The following PTGIS variants were observed in gnomAD, a reference collection of about 807,000 sequenced individuals.
PTGIS encodes the protein prostaglandin I2 synthase.
PTGIS carries 45 observed loss-of-function variants against 50.3 expected under a neutral mutation model. That is an observed-to-expected ratio of 0.90 (90% CI 0.70 to 1.15). The LOEUF (loss-of-function observed/expected upper bound fraction) is 1.15. Among genes scored for constraint, PTGIS ranks in the 50% most tolerant of loss-of-function variants. The pLI, the probability that PTGIS is intolerant of heterozygous loss-of-function variation, is 0.00. For synonymous variants in PTGIS, 260 were observed against 267.7 expected (o/e 0.97, Z 0.28); for missense variants, 668 against 661.3 (o/e 1.01, Z -0.11).
intron 1 of PTGIS, among the ~76,000 whole-genome samples, chr20:49,563,335 G>A (rs775864209): frequency 1.3e-5 from 2 of 152,152 alleles, no homozygotes; most frequent in Middle Eastern, 3.2e-3. Flanking sequence ...TACCTGCCCC[G>A]CACTGCTACC....
intron 5 of PTGIS, among the ~76,000 whole-genome samples, chr20:49,535,963 C>T (rs1038531313): frequency 1.3e-5 from 2 of 152,204 alleles, no homozygotes; most frequent in African/African-American, 2.4e-5. Context: ...TACTTCTTTA[C>T]CCATTCTGAT....
At chr20:49,534,507 A>G (rs1982022827) in intron 5 of PTGIS, among the ~76,000 whole-genome samples, 1 of 152,118 alleles carries the variant, frequency 6.6e-6, no homozygotes, top group Admixed American at 6.6e-5. Context: ...TCTGCGTCTA[A>G]TCAGACTCCT....
rs1981307283 is a variant in PTGIS, at chr20:49,511,073, T to G, written c.1313A>C (p.His438Pro). The change falls in exon 9 of 10, where the codon CAC (histidine) becomes CCC (proline). Residue 438 changes from histidine (H) to proline (P), a missense_variant. His to Pro is a moderately conservative substitution (Grantham distance 77). Transcript: ENST00000244043. Reference sequence around the variant, plus strand: ...ATAACTCCTCCCCAGGCAGTGATTGTGCCCCGCCCCCCAGGGCATGTTGTA... The same window carrying G: ...ATAACTCCTCCCCAGGCAGTGATTGGGCCCCGCCCCCCAGGGCATGTTGTA... ...KNYNMPWGAGHNHCLGRSYAV... is the reference protein window; with the variant it reads ...KNYNMPWGAGPNHCLGRSYAV... 1 of 1,614,068 alleles carries G rather than the reference T, an allele frequency of 6.2e-7. No individual in the cohort carries two copies. The highest frequency in any genetic ancestry group is 1.3e-5 in the African/African-American group (1 of 75,062).
At position 49,566,546 on chromosome 20, in the gene PTGIS, G is replaced by C. The variant is rs114850807; in HGVS notation, c.74+1497C>G. Among the ~76,000 whole-genome samples, 681 of 152,320 alleles carry C rather than the reference G, an allele frequency of 4.5e-3. 3 individuals carry two copies. The highest frequency in any genetic ancestry group is 0.016 in the African/African-American group (656 of 41,568). On this transcript the variant is annotated intron_variant, in intron 1 of 9. Transcript: ENST00000244043. ...CACAGTTGTAAATTTCAGCTGAAAAGATGTCTGGAGGTTGAAGAAAAATAC... is the reference window on the plus strand; with the variant it reads ...CACAGTTGTAAATTTCAGCTGAAAACATGTCTGGAGGTTGAAGAAAAATAC...
chr20:49,541,347 C>T (rs1982221890), intron 4 of PTGIS, among the ~76,000 whole-genome samples: 1 of 152,200 alleles, frequency 6.6e-6, no homozygotes, highest in South Asian at 2.1e-4. Flanking sequence ...CATCATTTAT[C>T]ATCACACTTG....
chr20:49,546,268 T>C (rs1982356332), intron 3 of PTGIS, among the ~76,000 whole-genome samples: 1 of 152,082 alleles, frequency 6.6e-6, no homozygotes, highest in Non-Finnish European at 1.5e-5. Context: ...GAAACTGGGA[T>C]CCTCCCTGGG....
chr20:49,558,002 T>A (rs186090192), intron 1 of PTGIS, among the ~76,000 whole-genome samples: 77 of 152,224 alleles, frequency 5.1e-4, no homozygotes, highest in Admixed American at 1.2e-3. Context: ...AAAAGAAACA[T>A]CTAAATTGAT....
At chr20:49,558,604 C>T (rs975490761) in intron 1 of PTGIS, among the ~76,000 whole-genome samples, 9 of 152,088 alleles carry the variant, frequency 5.9e-5, no homozygotes, top group East Asian at 1.9e-4. Flanking sequence ...CACTATTATT[C>T]GTAAGCAGTG....
intron 9 of PTGIS, among the ~76,000 whole-genome samples, chr20:49,509,076 C>A (rs1217833298): frequency 6.6e-6 from 1 of 152,254 alleles, no homozygotes; most frequent in African/African-American, 2.4e-5. Flanking sequence ...CTGGACAGAT[C>A]TGGGCTGTGC....
At chr20:49,519,590 T>G (rs1174199262) in intron 6 of PTGIS, among the ~76,000 whole-genome samples, 1 of 151,894 alleles carries the variant, frequency 6.6e-6, no homozygotes, top group Non-Finnish European at 1.5e-5. Flanking sequence ...TCCTGAGGAT[T>G]TAAACTCCTC....
At chr20:49,553,352 G>A (rs1303367324) in intron 1 of PTGIS, among the ~76,000 whole-genome samples, 1 of 152,144 alleles carries the variant, frequency 6.6e-6, no homozygotes, top group East Asian at 1.9e-4. Flanking sequence ...AAACACACAT[G>A]TATTTAACTT....
intron 1 of PTGIS, among the ~76,000 whole-genome samples, chr20:49,566,696 C>T (rs567036814): frequency 3.3e-5 from 5 of 152,308 alleles, no homozygotes; most frequent in Admixed American, 6.5e-5. Context: ...GTATTAGCTA[C>T]AAGCTCATGT....
At chr20:49,559,416 A>C (rs1484458678) in intron 1 of PTGIS, among the ~76,000 whole-genome samples, 1 of 152,182 alleles carries the variant, frequency 6.6e-6, no homozygotes, top group Non-Finnish European at 1.5e-5. Flanking sequence ...ACTTGCTTTC[A>C]CGTTACTCTG....
At chr20:49,536,527 C>T (rs543769080) in intron 5 of PTGIS, among the ~76,000 whole-genome samples, 1 of 135,990 alleles carries the variant, frequency 7.4e-6, no homozygotes, top group African/African-American at 2.9e-5. Context: ...GTCGCCCAGG[C>T]TGGAGTGCAG....
At chr20:49,546,193 G>A (rs79290565) in intron 3 of PTGIS, among the ~76,000 whole-genome samples, 2 of 152,178 alleles carry the variant, frequency 1.3e-5, no homozygotes, top group Non-Finnish European at 2.9e-5. Context: ...TGTGGCTGCT[G>A]TGCCCAGAAG....
intron 1 of PTGIS, 133 bp downstream of exon 1, chr20:49,567,910 G>A: frequency 1.2e-6 from 1 of 812,954 alleles, no homozygotes; most frequent in South Asian, 3.4e-5. Context: ...CCACCTCCGA[G>A]GGTCTCGCCT....
At chr20:49,549,007 G>A (rs964105050) in intron 2 of PTGIS, among the ~76,000 whole-genome samples, 5 of 152,100 alleles carry the variant, frequency 3.3e-5, no homozygotes, top group African/African-American at 7.2e-5. Flanking sequence ...GGTGGTGGTC[G>A]TTTGAATAGA....
At position 49,507,681 on chromosome 20, in the gene PTGIS, A is replaced by G; in HGVS notation, c.*239T>C. 3.4e-6 allele frequency: 2 copies of G among 595,120 alleles called. No individual in the cohort carries two copies. The highest frequency in any genetic ancestry group is 3.9e-5 in the South Asian group (2 of 51,012). The allele number at this position is 595,120 out of a possible 1,614,324, so 36.9% of individuals were successfully genotyped here. The stretch of plus-strand genomic sequence containing the variant: ...TAACGAGGTGAATTGGGAGCAGACA[A>G]AGCCTGATTTTGGAAAGAAAACTTT... On this transcript the variant is annotated 3_prime_UTR_variant, in exon 10 of 10. Transcript: ENST00000244043.
At chr20:49,547,554 G>A (rs1397416489) in intron 3 of PTGIS, among the ~76,000 whole-genome samples, 3 of 152,170 alleles carry the variant, frequency 2.0e-5, no homozygotes, top group East Asian at 3.9e-4. Context: ...TTTGAATTTA[G>A]GTGTGGCTGA....
Sources: gnomAD v4.1 joint callset for allele counts (sites outside exome capture counted in the v4.1 genomes callset) on GRCh38, gnomAD v4.1.1 for gene constraint, MANE v1.5 for transcripts, NCBI Gene and HGNC (gene_info 2026-07-23, HGNC 2026-07-21) for gene names.